Variants in ZNF441 observed in about 807,000 individuals in gnomAD.
ZNF441 encodes the protein zinc finger protein 441.
Under a neutral mutation model 64.5 loss-of-function variants are expected in ZNF441, and 25 were observed. That is an observed-to-expected ratio of 0.39 (90% confidence interval 0.28 to 0.54). The LOEUF (loss-of-function observed/expected upper bound fraction) is 0.54, where lower values mean the gene tolerates loss of function less well. Among genes scored for constraint, ZNF441 ranks in the 20% least tolerant of loss-of-function variants. The pLI is 0.70. For synonymous variants in ZNF441, 262 were observed against 268.0 expected (o/e 0.98, Z 0.22); for missense variants, 715 against 843.3 (o/e 0.85, Z 1.88).
At chr19:11,779,780 T>A (rs4804646) in intron 3 of ZNF441, among the ~76,000 whole-genome samples, 75,464 of 149,246 alleles carry the variant, frequency 0.51, 21,087 homozygotes, top group African/African-American at 0.77. Flanking sequence ...GTGTGGTGGC[T>A]TATGCCTGTA....
At position 11,782,074 on chromosome 19, in the gene ZNF441, A is replaced by G. The variant is rs1023189972; in HGVS notation, c.*168A>G. The G allele has an allele frequency of 2.0e-6, 1 of 510,374 alleles. No individual in the cohort carries two copies. The highest frequency in any genetic ancestry group is 1.9e-5 in the African/African-American group (1 of 52,308). The allele number at this position is 510,374 out of a possible 1,614,324, so 31.6% of individuals were successfully genotyped here. On this transcript the variant is annotated 3_prime_UTR_variant, in exon 4 of 4. Transcript: ENST00000357901. ...AAAACATGACCAAACTCATACTTCA[A>G]AAATATATATATAATGAATGTGAGG...
Position 11,783,445 on chromosome 19 carries a change from A to G in ZNF441, c.*1539A>G, listed in dbSNP as rs891458073. 1 of 152,236 alleles carries G rather than the reference A, an allele frequency of 6.6e-6. No homozygotes were observed. The highest frequency in any genetic ancestry group is 1.5e-5 in the Non-Finnish European group (1 of 68,030). 9.4% of individuals were successfully genotyped at this position (152,236 alleles called of 1,614,324 possible). On this transcript the variant is annotated 3_prime_UTR_variant, in exon 4 of 4. Coordinates refer to ENST00000357901, the MANE Select transcript of ZNF441 (RefSeq NM_152355.3). ...ACCAAGTATAACCACAGGAAAAGAA[A>G]TCAGTATATCAAAGAGATACTTGCA... is the stretch of plus-strand genomic sequence containing the variant.
At chr19:11,776,489 T>A (rs987868134) in intron 1 of ZNF441, among the ~76,000 whole-genome samples, 7 of 152,228 alleles carry the variant, frequency 4.6e-5, no homozygotes, top group African/African-American at 1.7e-4. Flanking sequence ...ATGTAATTTT[T>A]AATGATGACA....
chr19:11,775,974 C>G (rs1975352486), intron 1 of ZNF441, among the ~76,000 whole-genome samples: 1 of 152,042 alleles, frequency 6.6e-6, no homozygotes, highest in South Asian at 2.1e-4. Context: ...TTTTTTATTC[C>G]CAGGACTTAG....
At chr19:11,773,374 A>G (rs1036263275) in intron 1 of ZNF441, among the ~76,000 whole-genome samples, 2 of 152,224 alleles carry the variant, frequency 1.3e-5, no homozygotes, top group African/African-American at 4.8e-5. Flanking sequence ...AATATGGTCT[A>G]TCTTGGTATA....
intron 1 of ZNF441, among the ~76,000 whole-genome samples, chr19:11,773,567 AGTT>A (rs1309268229): frequency 2.0e-5 from 3 of 152,144 alleles, no homozygotes; most frequent in Non-Finnish European, 4.4e-5. Context: ...CTCCAACTAT[AGTT>A]GTAGATTTGT....
intron 3 of ZNF441, among the ~76,000 whole-genome samples, chr19:11,779,318 CAAAAAAAAA>C (rs67463970): frequency 6.8e-5 from 7 of 103,450 alleles, no homozygotes; most frequent in South Asian, 3.4e-4. Context: ...AACCCAGTTT[CAAAAAAAAA>C]AAAAAAAAAA....
chr19:11,773,305 C>T (rs549086801), intron 1 of ZNF441, among the ~76,000 whole-genome samples: 1 of 151,982 alleles, frequency 6.6e-6, no homozygotes, highest in Non-Finnish European at 1.5e-5. Context: ...ATAGTTTGAT[C>T]GCATATTTTA....
chr19:11,767,290 C>A lies in ZNF441; in HGVS notation c.3+94C>A. On this transcript the variant is annotated intron_variant, in intron 1 of 3. Transcript: ENST00000357901. The surrounding 1 kb of genome is among the most constrained non-coding windows in gnomAD (Gnocchi z 5.1). Reference sequence around the variant, plus strand: ...TGTGGTGGCACCAGGTCTTCCCCGCCGGCGACACCCTGGCGCAGCTCGGCC... The same window carrying A: ...TGTGGTGGCACCAGGTCTTCCCCGCAGGCGACACCCTGGCGCAGCTCGGCC... 6.5e-7 allele frequency: 1 copy of A among 1,531,342 alleles called. No homozygotes were observed. Among genetic ancestry groups the A allele is most frequent in the South Asian group, 1.2e-5 (1 of 83,434 alleles). 94.9% of individuals were successfully genotyped at this position (1,531,342 alleles called of 1,614,324 possible). A position where few individuals can be genotyped will look rare whatever the true frequency, so the allele number is the denominator to read the frequency against.
At chr19:11,777,540 T>C in intron 1 of ZNF441, 71 bp from the exon 2 acceptor site, 1 of 1,537,224 alleles carries the variant, frequency 6.5e-7, no homozygotes, top group Non-Finnish European at 8.8e-7. Flanking sequence ...ATGTGAAGGT[T>C]ATGAAGTGAA....
chr19:11,767,143 G>C lies in ZNF441; in HGVS notation c.-51G>C, dbSNP rs78397313. ...GGCAGCTTCTGTCTCGCTGGGACCC[G>C]CACTGACAGCGGGAGGCAGAGGGAG... On this transcript the variant is annotated 5_prime_UTR_variant, in exon 1 of 4. Coordinates refer to ENST00000357901, the MANE Select transcript of ZNF441 (RefSeq NM_152355.3). The surrounding 1 kb of genome is among the most constrained non-coding windows in gnomAD (Gnocchi z 5.1). 2,276 of 1,553,720 alleles carry C rather than the reference G, an allele frequency of 1.5e-3. 37 individuals are homozygous for C. In the African/African-American group the frequency reaches 0.027, roughly 19 times the overall value.
intron 1 of ZNF441, among the ~76,000 whole-genome samples, chr19:11,772,568 C>A (rs1166188847): frequency 3.9e-5 from 6 of 152,208 alleles, no homozygotes; most frequent in Non-Finnish European, 7.3e-5. Context: ...TCTCTGCAAA[C>A]ATACTCTGAA....
intron 3 of ZNF441, 60 bp downstream of exon 3, chr19:11,778,453 T>A (rs1166485577): frequency 1.6e-6 from 2 of 1,286,176 alleles, no homozygotes; most frequent in East Asian, 5.1e-5. Flanking sequence ...ATGCCAGAAA[T>A]TTTATTTTAT....
chr19:11,773,160 T>A (rs1388881826), intron 1 of ZNF441, among the ~76,000 whole-genome samples: 1 of 152,238 alleles, frequency 6.6e-6, no homozygotes, highest in African/African-American at 2.4e-5. Flanking sequence ...TCTTTTTTTA[T>A]CAACATTGCA....
chr19:11,773,402 A>G (rs1368076121), intron 1 of ZNF441, among the ~76,000 whole-genome samples: 2 of 152,230 alleles, frequency 1.3e-5, no homozygotes, highest in East Asian at 3.8e-4. Flanking sequence ...TGAGGGCTTG[A>G]AAATAATGTG....
chr19:11,771,459 A>G (rs1028231008), intron 1 of ZNF441, among the ~76,000 whole-genome samples: 1 of 152,270 alleles, frequency 6.6e-6, no homozygotes, highest in Admixed American at 6.5e-5. Context: ...GAGCTGTTCC[A>G]GTATAATAAA....
chr19:11,770,976 A>T (rs1014571738), intron 1 of ZNF441, among the ~76,000 whole-genome samples: 1 of 152,186 alleles, frequency 6.6e-6, no homozygotes, highest in African/African-American at 2.4e-5. Flanking sequence ...GAAAGCAAAG[A>T]TATATAACCA....
chr19:11,780,665 GAATGTAAGC>G lies in ZNF441; in HGVS notation c.847_855del (p.Lys283_Cys285del). The G allele has an allele frequency of 1.2e-6, 2 of 1,613,804 alleles. No individual in the cohort carries two copies. Among genetic ancestry groups the G allele is most frequent in the Non-Finnish European group, 1.7e-6 (2 of 1,179,942 alleles). ...GACTCACACTGGAGAACAATCCTAT[GAATGTAAGC>G]AATGTGGGAAAGCATTTTATCATCT... On this transcript the variant is annotated inframe_deletion, in exon 4 of 4. Transcript: ENST00000357901.
At chr19:11,777,479 TAA>T (rs1975364361) in intron 1 of ZNF441, 130 bp from the exon 2 acceptor site, 2 of 955,698 alleles carry the variant, frequency 2.1e-6, no homozygotes, top group Admixed American at 5.6e-5. Context: ...AAAGAGAGAA[TAA>T]GAGTGGGTTT....
Sources: gnomAD v4.1 joint callset for allele counts (sites outside exome capture counted in the v4.1 genomes callset) on GRCh38, gnomAD v4.1.1 for gene constraint, Gnocchi (gnomAD v3.1) non-coding constraint, MANE v1.5 for transcripts, NCBI Gene and HGNC (gene_info 2026-07-23, HGNC 2026-07-21) for gene names.